PPP1R1C: variants seen among roughly 807,000 people sequenced by gnomAD.
The protein encoded by PPP1R1C is protein phosphatase 1 regulatory subunit 1C.
In PPP1R1C, 15 loss-of-function variants were observed where a neutral mutation model predicts 17.4. The ratio of observed to expected loss-of-function variants is 0.86; its 90% CI spans 0.58 to 1.33. The LOEUF is 1.33. Among genes scored for constraint, PPP1R1C ranks in the 40% most tolerant of loss-of-function variants. PPP1R1C has a pLI of 0.00. For missense variants in PPP1R1C, 143 were observed against 130.0 expected (o/e 1.10, Z -0.48); for synonymous variants, 35 against 43.1 (o/e 0.81, Z 0.73).
chr2:181,980,233 A>G (rs556472334), intron 2 of PPP1R1C, among the ~76,000 whole-genome samples: 5 of 152,366 alleles, frequency 3.3e-5, no homozygotes, highest in Non-Finnish European at 5.9e-5. Flanking sequence ...CTCAGCAATT[A>G]CAAGTCCAAC....
rs1319925818 is a variant in PPP1R1C, at chr2:182,076,181, C to CTTTTTTTTTT, written c.241+12391_241+12400dup. Among the ~76,000 whole-genome samples, 9 of 47,486 alleles carry CTTTTTTTTTT rather than the reference C, an allele frequency of 1.9e-4. 1 individual carries two copies. Among genetic ancestry groups the CTTTTTTTTTT allele is most frequent in the African/African-American group, 7.8e-4 (9 of 11,570 alleles). 31.2% of individuals were successfully genotyped at this position (47,486 alleles called of 152,430 possible). A position where few individuals can be genotyped will look rare whatever the true frequency, so the allele number is the denominator to read the frequency against. ...TTATCTATAAATCAAGGATTTTGAA[C>CTTTTTTTTTT]TTTTTTTTTTCTTTTCTTTTTTTTT... On this transcript the variant is annotated intron_variant, in intron 4 of 4. Coordinates refer to ENST00000682840, the MANE Select transcript of PPP1R1C (RefSeq NM_001080545.3).
chr2:182,030,985 TC>T (rs1218810619), intron 2 of PPP1R1C: 1 of 153,228 alleles, frequency 6.5e-6, no homozygotes, highest in Non-Finnish European at 1.5e-5. Flanking sequence ...CCCAGGTGAG[TC>T]CGTCATCCCT....
downstream of PPP1R1C, among the ~76,000 whole-genome samples, chr2:182,120,787 T>A (rs1429779354): frequency 6.6e-6 from 1 of 152,152 alleles, no homozygotes; most frequent in Non-Finnish European, 1.5e-5. Context: ...GCTGATTTTG[T>A]AACATCATTT....
intron 2 of PPP1R1C, among the ~76,000 whole-genome samples, chr2:182,044,655 C>T (rs944536567): frequency 1.3e-5 from 2 of 152,184 alleles, no homozygotes; most frequent in Admixed American, 6.5e-5. Context: ...ATTTATCATA[C>T]TGTACTGTGG....
intron 1 of PPP1R1C, among the ~76,000 whole-genome samples, chr2:181,959,577 G>C (rs1684729721): frequency 6.6e-6 from 1 of 151,994 alleles, no homozygotes; most frequent in African/African-American, 2.4e-5. Flanking sequence ...AGACATTCCA[G>C]CAAAATATGT....
Position 182,082,689 on chromosome 2 carries a change from A to G in PPP1R1C, c.241+18898A>G, listed in dbSNP as rs972379653. On this transcript the variant is annotated intron_variant, in intron 4 of 4. Coordinates refer to ENST00000682840, the MANE Select transcript of PPP1R1C (RefSeq NM_001080545.3). ...AATATAAGAATTTCAAGATTGATCT[A>G]TTTTAACAAAAGCACTGTTAAACAT... 2.0e-5 allele frequency among the ~76,000 whole-genome samples: 3 copies of G among 152,328 alleles called. No homozygotes were observed. The East Asian group carries it at 5.8e-4, about 29-fold the overall frequency.
intron 2 of PPP1R1C, among the ~76,000 whole-genome samples, chr2:182,012,125 C>A (rs1216746888): frequency 6.6e-6 from 1 of 151,920 alleles, no homozygotes; most frequent in Non-Finnish European, 1.5e-5. Flanking sequence ...CTATTAGGTC[C>A]ATTTTATCTA....
intron 1 of PPP1R1C, among the ~76,000 whole-genome samples, chr2:181,959,239 T>G (rs1043331707): frequency 2.8e-4 from 43 of 152,218 alleles, no homozygotes; most frequent in African/African-American, 1.0e-3. Context: ...TTGTAGAAAT[T>G]TCCCTTGATA....
At chr2:182,022,686 C>A (rs958274117) in intron 2 of PPP1R1C, among the ~76,000 whole-genome samples, 8 of 152,304 alleles carry the variant, frequency 5.3e-5, no homozygotes, top group African/African-American at 1.4e-4. Context: ...TAACTATTAA[C>A]CACTACTGTA....
At chr2:181,998,516 G>A (rs979290503) in intron 2 of PPP1R1C, among the ~76,000 whole-genome samples, 1 of 152,150 alleles carries the variant, frequency 6.6e-6, no homozygotes, top group South Asian at 2.1e-4. Flanking sequence ...TTTTGAATAA[G>A]TCAGCCATTA....
At chr2:182,114,761 A>G (rs1689533467) in intron 4 of PPP1R1C, among the ~76,000 whole-genome samples, 1 of 152,162 alleles carries the variant, frequency 6.6e-6, no homozygotes, top group African/African-American at 2.4e-5. Context: ...CCACAATTGT[A>G]TAGGGCTAAG....
intron 4 of PPP1R1C, among the ~76,000 whole-genome samples, chr2:182,085,838 A>G (rs998814183): frequency 6.6e-6 from 1 of 152,182 alleles, no homozygotes. Flanking sequence ...AGCTAATCAC[A>G]TAACACACAT....
At chr2:182,043,088 C>T (rs1187749472) in intron 2 of PPP1R1C, among the ~76,000 whole-genome samples, 1 of 152,120 alleles carries the variant, frequency 6.6e-6, no homozygotes, top group Non-Finnish European at 1.5e-5. Context: ...AATGGCCAAA[C>T]ATTAGAAAAG....
chr2:181,959,768 T>G (rs528547485), intron 1 of PPP1R1C, among the ~76,000 whole-genome samples: 1 of 152,176 alleles, frequency 6.6e-6, no homozygotes, highest in Non-Finnish European at 1.5e-5. Flanking sequence ...TGGACTGTAA[T>G]TGGAGAAAGC....
At chr2:181,974,573 C>G (rs1354058142) in intron 1 of PPP1R1C, among the ~76,000 whole-genome samples, 1 of 152,190 alleles carries the variant, frequency 6.6e-6, no homozygotes, top group Non-Finnish European at 1.5e-5. Context: ...AAATATGAAT[C>G]TGAAGCATCT....
At chr2:182,040,510 T>G (rs1200953516) in intron 2 of PPP1R1C, among the ~76,000 whole-genome samples, 1 of 152,232 alleles carries the variant, frequency 6.6e-6, no homozygotes, top group Admixed American at 6.5e-5. Flanking sequence ...TATTTATTTT[T>G]TTTCTTGCAG....
chr2:182,047,866 T>A (rs1408852840), intron 2 of PPP1R1C, among the ~76,000 whole-genome samples: 3 of 152,190 alleles, frequency 2.0e-5, no homozygotes, highest in Non-Finnish European at 2.9e-5. Flanking sequence ...TTGGAAGATT[T>A]CCAACCTGAA....
At chr2:182,120,600 ATTTAT>A (rs1689711152), downstream of PPP1R1C, among the ~76,000 whole-genome samples, 1 of 152,154 alleles carries the variant, frequency 6.6e-6, no homozygotes, top group African/African-American at 2.4e-5. Context: ...TAAGGCCCTT[ATTTAT>A]TTTAAGTGAT....
At chr2:182,109,121 A>G (rs1011892951) in intron 4 of PPP1R1C, among the ~76,000 whole-genome samples, 2 of 152,180 alleles carry the variant, frequency 1.3e-5, no homozygotes, top group Non-Finnish European at 2.9e-5. Flanking sequence ...ACATCTTTTC[A>G]TATGCTTACT....
Sources: allele counts gnomAD v4.1 joint callset (sites outside exome capture counted in the v4.1 genomes callset), GRCh38; gene constraint gnomAD v4.1.1; transcripts MANE v1.5; gene names NCBI Gene and HGNC (gene_info 2026-07-23, HGNC 2026-07-21).